The following HDAC9 variants were observed in gnomAD, a reference collection of about 807,000 sequenced individuals.
HDAC9 encodes the protein MEF-2 interacting transcription repressor (MITR) protein.
A neutral mutation model predicts 139.4 loss-of-function variants in HDAC9; 41 were observed. That is an observed-to-expected ratio of 0.29 (90% CI 0.23 to 0.38). HDAC9 has a LOEUF of 0.38. Among genes scored for constraint, HDAC9 ranks in the 10% least tolerant of loss-of-function variants. HDAC9 has a pLI of 1.00. For synonymous variants in HDAC9, 517 were observed against 476.2 expected (o/e 1.09, Z -1.12); for missense variants, 1,147 against 1,297.0 (o/e 0.88, Z 1.78).
At chr7:18,690,634 T>C (rs994444493) in intron 12 of HDAC9, among the ~76,000 whole-genome samples, 8 of 152,098 alleles carry the variant, frequency 5.3e-5, no homozygotes, top group Middle Eastern at 3.4e-3. Context: ...TAAAGTACCA[T>C]TTATTTTTTT....
chr7:18,797,928 T>C (rs1792948689), intron 17 of HDAC9, among the ~76,000 whole-genome samples: 1 of 152,168 alleles, frequency 6.6e-6, no homozygotes, highest in Admixed American at 6.5e-5. Flanking sequence ...CTTCAGCATA[T>C]TTCCCCTAAA....
chr7:18,961,529 T>A (rs775775628), intron 24 of HDAC9, among the ~76,000 whole-genome samples: 2 of 152,066 alleles, frequency 1.3e-5, no homozygotes, highest in Non-Finnish European at 2.9e-5. Context: ...TCTTAACAAT[T>A]TGGGGAGAAG....
intron 6 of HDAC9, among the ~76,000 whole-genome samples, chr7:18,623,404 G>T (rs1840760488): frequency 6.6e-6 from 1 of 152,112 alleles, no homozygotes; most frequent in African/African-American, 2.4e-5. Context: ...TGTACCAATT[G>T]CAGCCATCTC....
chr7:18,276,598 G>T (rs1192813053), intron 2 of HDAC9, among the ~76,000 whole-genome samples: 2 of 152,066 alleles, frequency 1.3e-5, no homozygotes, highest in African/African-American at 2.4e-5. Context: ...CTCCTGACAT[G>T]CCATTTCTCA....
chr7:18,223,782 TA>T (rs2128177812), intron 2 of HDAC9, among the ~76,000 whole-genome samples: 1 of 152,264 alleles, frequency 6.6e-6, no homozygotes, highest in African/African-American at 2.4e-5. Flanking sequence ...TCTTTGTCAG[TA>T]AAACATTCTT....
chr7:18,330,708 G>A (rs899839890), intron 1 of HDAC9, among the ~76,000 whole-genome samples: 6 of 151,584 alleles, frequency 4.0e-5, no homozygotes, highest in Non-Finnish European at 7.4e-5. Flanking sequence ...TTATCCCAGA[G>A]TGAATTTTTG....
intron 17 of HDAC9, among the ~76,000 whole-genome samples, chr7:18,828,035 T>A (rs1795582695): frequency 6.6e-6 from 1 of 152,144 alleles, no homozygotes; most frequent in Admixed American, 6.5e-5. Flanking sequence ...TGATTCTAAT[T>A]TGTTTATTAG....
chr7:18,301,555 C>G (rs1434509848), intron 1 of HDAC9, among the ~76,000 whole-genome samples: 1 of 152,114 alleles, frequency 6.6e-6, no homozygotes, highest in East Asian at 1.9e-4. Flanking sequence ...TTATTACTAT[C>G]TAAGTATTTA....
Position 18,249,389 on chromosome 7 carries a change from G to T in HDAC9, c.25+87040G>T, listed in dbSNP as rs1057368111. On this transcript the variant is annotated intron_variant, in intron 2 of 12. Transcript: ENST00000417496. ...GTGGTGGCACGTGTCTGTAATCCCA[G>T]CTAGTCGGGAGGCTGAGGTGTGAGA... Among the ~76,000 whole-genome samples, 10 of 150,956 alleles carry T rather than the reference G, an allele frequency of 6.6e-5. No individual in the cohort carries two copies. The East Asian group carries it at 2.0e-3, about 30-fold the overall frequency.
intron 9 of HDAC9, among the ~76,000 whole-genome samples, chr7:18,646,311 C>A (rs769789198): frequency 3.9e-5 from 6 of 152,006 alleles, no homozygotes; most frequent in Non-Finnish European, 5.9e-5. Flanking sequence ...AAAATTTTTT[C>A]CCAAAGGACC....
intron 6 of HDAC9, among the ~76,000 whole-genome samples, chr7:18,619,033 A>G (rs73063153): frequency 6.6e-6 from 1 of 152,156 alleles, no homozygotes; most frequent in Non-Finnish European, 1.5e-5. Flanking sequence ...TGATAATTCA[A>G]AATGATGCTA....
At position 18,108,311 on chromosome 7, in the gene HDAC9, C is replaced by A. The variant is rs573355955; in HGVS notation, c.-97+21098C>A. On this transcript the variant is annotated intron_variant, in intron 1 of 12. Transcript: ENST00000417496. Reference sequence around the variant, plus strand: ...AGGGAGTGTGGGGCAGTACCAACAGCGTTCACTGTATATGGAGATGGGCGC... The same window carrying A: ...AGGGAGTGTGGGGCAGTACCAACAGAGTTCACTGTATATGGAGATGGGCGC... 3.7e-4 allele frequency among the ~76,000 whole-genome samples: 56 copies of A among 152,206 alleles called. 1 individual carries two copies. The South Asian group carries it at 0.011, about 30-fold the overall frequency.
intron 24 of HDAC9, among the ~76,000 whole-genome samples, chr7:18,960,832 C>A (rs1194595586): frequency 6.6e-6 from 1 of 151,942 alleles, no homozygotes; most frequent in Non-Finnish European, 1.5e-5. Context: ...ATCAGATAAT[C>A]CAGGAGAAAA....
rs539261553 is a variant in HDAC9, at chr7:18,622,756, A to G, written c.665-6594A>G. ...CATTTTTTCCTTATGATAATTTTCA[A>G]TAAGAATGAAGAACTTCTACATACC... On this transcript the variant is annotated intron_variant, in intron 6 of 25. Transcript: ENST00000686413. Among the ~76,000 whole-genome samples, 3 of 152,292 alleles carry G rather than the reference A, an allele frequency of 2.0e-5. No homozygotes were observed. In the East Asian group the frequency reaches 5.8e-4, roughly 29 times the overall value.
At chr7:18,387,491 G>A (rs929160711) in intron 1 of HDAC9, among the ~76,000 whole-genome samples, 45 of 152,208 alleles carry the variant, frequency 3.0e-4, no homozygotes, top group African/African-American at 9.6e-4. Flanking sequence ...AACAGTTGTC[G>A]TGTGGGCTTT....
Position 18,742,812 on chromosome 7 carries a change from A to C in HDAC9, c.1910-6193A>C, listed in dbSNP as rs183534158. ...TTTATTGCCTCCAGTATAGATTTTA[A>C]TTTTGCTACTCTTTAATTTCCTTGC... On this transcript the variant is annotated intron_variant, in intron 13 of 25. Transcript: ENST00000686413. Among the ~76,000 whole-genome samples, 26 of 151,942 alleles carry C rather than the reference A, an allele frequency of 1.7e-4. 1 individual carries two copies. The highest frequency in any genetic ancestry group is 6.0e-4 in the African/African-American group (25 of 41,462).
At chr7:18,581,384 C>G (rs1173794984) in intron 2 of HDAC9, among the ~76,000 whole-genome samples, 2 of 152,064 alleles carry the variant, frequency 1.3e-5, no homozygotes, top group African/African-American at 4.8e-5. Context: ...TGAACAAAGG[C>G]AAGCAGTTAG....
intron 25 of HDAC9, among the ~76,000 whole-genome samples, chr7:18,983,970 T>A (rs1785124707): frequency 6.6e-6 from 1 of 152,092 alleles, no homozygotes; most frequent in African/African-American, 2.4e-5. Flanking sequence ...CCTGTAGATT[T>A]CAGATCAAAT....
At chr7:18,822,289 C>T (rs1389765431) in intron 17 of HDAC9, among the ~76,000 whole-genome samples, 5 of 152,172 alleles carry the variant, frequency 3.3e-5, no homozygotes, top group African/African-American at 7.2e-5. Context: ...CATTAACATA[C>T]AAAAAGACAC....
Sources: allele counts gnomAD v4.1 joint callset (sites outside exome capture counted in the v4.1 genomes callset), GRCh38; gene constraint gnomAD v4.1.1; transcripts MANE v1.5; gene names NCBI Gene and HGNC (gene_info 2026-07-23, HGNC 2026-07-21).